STK32B: variants seen among roughly 807,000 people sequenced by gnomAD.
STK32B encodes the protein serine/threonine kinase 32B.
A neutral mutation model predicts 52.6 loss-of-function variants in STK32B; 43 were observed. The observed-to-expected ratio is 0.82, with a 90% CI of 0.64 to 1.05. The LOEUF is 1.05. STK32B is among the 50% of genes least tolerant of loss of function. STK32B has a pLI of 0.00. For missense variants in STK32B, 621 were observed against 534.6 expected (o/e 1.16, Z -1.59); for synonymous variants, 238 against 204.3 (o/e 1.17, Z -1.41).
At chr4:5,451,600 A>G (rs1716000139) in intron 7 of STK32B, among the ~76,000 whole-genome samples, 1 of 152,156 alleles carries the variant, frequency 6.6e-6, no homozygotes. Flanking sequence ...ACAGTAGTAC[A>G]GGCCCGTGGT....
At chr4:5,266,958 A>C (rs1168740832) in intron 3 of STK32B, among the ~76,000 whole-genome samples, 2 of 152,122 alleles carry the variant, frequency 1.3e-5, no homozygotes, top group African/African-American at 4.8e-5. Context: ...ATTTTTGCCC[A>C]CTGCAGCACA....
chr4:5,302,440 A>G (rs914039903), intron 3 of STK32B, among the ~76,000 whole-genome samples: 2 of 152,058 alleles, frequency 1.3e-5, no homozygotes, highest in Non-Finnish European at 2.9e-5. Context: ...TAGAAGGTTT[A>G]TTGTTTTACA....
At chr4:5,124,584 A>T (rs1163605529) in intron 1 of STK32B, among the ~76,000 whole-genome samples, 1 of 152,226 alleles carries the variant, frequency 6.6e-6, no homozygotes, top group Non-Finnish European at 1.5e-5. Flanking sequence ...TTAACTCTAC[A>T]GGGACACTAC....
At chr4:5,160,189 C>A (rs1577122232) in intron 2 of STK32B, among the ~76,000 whole-genome samples, 1 of 152,208 alleles carries the variant, frequency 6.6e-6, no homozygotes, top group Non-Finnish European at 1.5e-5. Flanking sequence ...TGAGCCCGTT[C>A]CTGAGGCCCT....
intron 4 of STK32B, among the ~76,000 whole-genome samples, chr4:5,342,131 A>G (rs1269804949): frequency 1.3e-5 from 2 of 152,108 alleles, no homozygotes; most frequent in Admixed American, 6.6e-5. Flanking sequence ...ATTATGGAAG[A>G]CAGTGTGGCG....
Position 5,051,808 on chromosome 4 carries a change from T to G in STK32B, c.-56T>G. ...CCCGCATCTCTGCGCGCGTCCCACATCCCGCATCCGGCATCCCAGCGGCCG... is the reference window on the plus strand; with the variant it reads ...CCCGCATCTCTGCGCGCGTCCCACAGCCCGCATCCGGCATCCCAGCGGCCG... On this transcript the variant is annotated 5_prime_UTR_variant, in exon 1 of 12. Coordinates refer to ENST00000282908, the MANE Select transcript of STK32B (RefSeq NM_018401.3). The G allele has an allele frequency of 3.2e-6, 5 of 1,559,176 alleles. No individual in the cohort carries two copies. The highest frequency in any genetic ancestry group is 4.3e-6 in the Non-Finnish European group (5 of 1,152,346).
intron 3 of STK32B, among the ~76,000 whole-genome samples, chr4:5,328,533 A>G (rs1331971614): frequency 6.6e-6 from 1 of 152,224 alleles, no homozygotes; most frequent in Non-Finnish European, 1.5e-5. Flanking sequence ...TCAGTGGAGC[A>G]TGAGAACACA....
intron 3 of STK32B, among the ~76,000 whole-genome samples, chr4:5,241,590 T>C (rs980582828): frequency 6.6e-5 from 10 of 151,990 alleles, no homozygotes; most frequent in African/African-American, 2.2e-4. Context: ...TTAATTATTA[T>C]TATACTTTAA....
chr4:5,309,383 AAAT>A (rs1045650967), intron 3 of STK32B, among the ~76,000 whole-genome samples: 18 of 152,182 alleles, frequency 1.2e-4, no homozygotes, highest in African/African-American at 4.1e-4. Flanking sequence ...TAGAAAAAAA[AAAT>A]CCTGAAATTT....
intron 1 of STK32B, among the ~76,000 whole-genome samples, chr4:5,135,536 A>C (rs1423361407): frequency 6.6e-6 from 1 of 152,234 alleles, no homozygotes; most frequent in Non-Finnish European, 1.5e-5. Flanking sequence ...TTCTAGTAAT[A>C]GACAACCTGA....
chr4:5,337,159 T>C (rs1732763957), intron 4 of STK32B, among the ~76,000 whole-genome samples: 2 of 141,128 alleles, frequency 1.4e-5, no homozygotes, highest in Non-Finnish European at 3.1e-5. Context: ...TTTTTTTTTT[T>C]GTATTTTTTT....
chr4:5,059,501 G>T (rs1742138069), intron 1 of STK32B, among the ~76,000 whole-genome samples: 1 of 152,080 alleles, frequency 6.6e-6, no homozygotes, highest in Non-Finnish European at 1.5e-5. Flanking sequence ...ATCAGACAAA[G>T]AATTATACTG....
intron 1 of STK32B, among the ~76,000 whole-genome samples, chr4:5,080,294 A>G (rs577008159): frequency 6.6e-6 from 1 of 152,204 alleles, no homozygotes; most frequent in Non-Finnish European, 1.5e-5. Flanking sequence ...TACCAAGGCC[A>G]TACCTCCCTC....
the STK32B span, among the ~76,000 whole-genome samples, chr4:5,035,502 A>T: frequency 1.3e-5 from 2 of 152,012 alleles, 1 homozygote; most frequent in Admixed American, 1.3e-4. Flanking sequence ...TTGGGTGAAG[A>T]CCCCCACCCA....
At chr4:5,242,489 A>G (rs977378228) in intron 3 of STK32B, among the ~76,000 whole-genome samples, 3 of 152,110 alleles carry the variant, frequency 2.0e-5, no homozygotes, top group African/African-American at 4.8e-5. Context: ...CCTTTGTCAG[A>G]TGAGTAGGTT....
At chr4:5,093,420 C>A (rs1264569246) in intron 1 of STK32B, among the ~76,000 whole-genome samples, 1 of 152,110 alleles carries the variant, frequency 6.6e-6, no homozygotes, top group Non-Finnish European at 1.5e-5. Context: ...TTGTGGTGAG[C>A]TCAAGTTTTT....
chr4:5,405,472 G>T (rs1404121764), intron 5 of STK32B, among the ~76,000 whole-genome samples: 1 of 152,196 alleles, frequency 6.6e-6, no homozygotes, highest in Non-Finnish European at 1.5e-5. Flanking sequence ...TCCCCAAGGT[G>T]ATGGTGTTAG....
intron 3 of STK32B, among the ~76,000 whole-genome samples, chr4:5,299,277 T>A (rs1406692620): frequency 6.6e-6 from 1 of 152,142 alleles, no homozygotes; most frequent in Non-Finnish European, 1.5e-5. Flanking sequence ...TATCTTTTTT[T>A]AAAATCCTCT....
In STK32B at chr4:5,389,063, G is replaced by C. The variant is rs569236001; in HGVS notation, c.435-9144G>C. Among the ~76,000 whole-genome samples, 85 of 152,302 alleles carry C rather than the reference G, an allele frequency of 5.6e-4. No individual in the cohort carries two copies. The South Asian group carries it at 6.8e-3, about 12-fold the overall frequency. The stretch of plus-strand genomic sequence containing the variant: ...TGCATTTTCTCTCCCAAAGGACAAA[G>C]CAAGAAGGAAATGATTTGAGTAGCA... On this transcript the variant is annotated intron_variant, in intron 4 of 11. Transcript: ENST00000282908.
Sources: gnomAD v4.1 joint callset for allele counts (sites outside exome capture counted in the v4.1 genomes callset) on GRCh38, gnomAD v4.1.1 for gene constraint, MANE v1.5 for transcripts, NCBI Gene and HGNC (gene_info 2026-07-23, HGNC 2026-07-21) for gene names.